AMY2B: variants seen among roughly 807,000 people sequenced by gnomAD.
The protein encoded by AMY2B is alpha-amylase 2B.
AMY2B carries 63 observed loss-of-function variants against 59.3 expected under a neutral mutation model. The ratio of observed to expected loss-of-function variants is 1.06; its 90% CI spans 0.87 to 1.31. The LOEUF is 1.31. Among genes scored for constraint, AMY2B ranks in the 50% most tolerant of loss-of-function variants. AMY2B has a pLI of 0.00. For missense variants in AMY2B, 635 were observed against 626.7 expected (o/e 1.01, Z -0.14); for synonymous variants, 180 against 198.1 (o/e 0.91, Z 0.77).
chr1:103,562,647 C>T (rs897525927), intron 1 of AMY2B, among the ~76,000 whole-genome samples: 1 of 147,668 alleles, frequency 6.8e-6, no homozygotes, highest in Non-Finnish European at 1.5e-5. Context: ...CTAAGAACTA[C>T]GAATGACATT....
At chr1:103,569,860 G>A, upstream of AMY2B, 2 of 457,292 alleles carry the variant, frequency 4.4e-6, no homozygotes, top group South Asian at 1.8e-5. Context: ...AGCACCTGGT[G>A]CTGCTGACCG....
At chr1:103,574,926 C>T (rs1360352022) in intron 5 of AMY2B, among the ~76,000 whole-genome samples, 1 of 151,180 alleles carries the variant, frequency 6.6e-6, no homozygotes, top group Non-Finnish European at 1.5e-5. Flanking sequence ...TAACAAAAAT[C>T]TTATATTTGT....
upstream of AMY2B, chr1:103,570,410 G>A: frequency 1.1e-6 from 1 of 873,434 alleles, no homozygotes; most frequent in Non-Finnish European, 1.9e-6. Flanking sequence ...AGTGTGACGT[G>A]GACATCCGCA....
chr1:103,569,565 A>G, upstream of AMY2B: 1 of 342,850 alleles, frequency 2.9e-6, no homozygotes, highest in South Asian at 2.5e-5. Flanking sequence ...GGAAGAAGAG[A>G]TTGCCGTACT....
At chr1:103,573,597 A>G in intron 3 of AMY2B, 111 bp from the exon 4 acceptor site, 2 of 1,496,400 alleles carry the variant, frequency 1.3e-6, no homozygotes, top group South Asian at 1.2e-5. Flanking sequence ...AATGCAAGGA[A>G]GTCACTATAG....
At chr1:103,571,190 C>T (rs181204320), upstream of AMY2B, 96 of 788,298 alleles carry the variant, frequency 1.2e-4, 2 homozygotes, top group Admixed American at 2.5e-4. Flanking sequence ...GGCTGTTACT[C>T]GCCTTGAGTT....
intron 1 of AMY2B, among the ~76,000 whole-genome samples, chr1:103,563,680 A>T (rs1353144145): frequency 6.6e-6 from 1 of 152,070 alleles, no homozygotes; most frequent in Non-Finnish European, 1.5e-5. Context: ...TCCCTAAATT[A>T]TATCTGCAAA....
chr1:103,571,867 A>C, intron 1 of AMY2B, 97 bp downstream of exon 1: 1 of 1,608,994 alleles, frequency 6.2e-7, no homozygotes, highest in Non-Finnish European at 8.5e-7. Flanking sequence ...ATTTTACTTC[A>C]CAGGTAAGTA....
chr1:103,570,458 C>A, upstream of AMY2B: 1 of 739,600 alleles, frequency 1.4e-6, no homozygotes, highest in Non-Finnish European at 2.4e-6. Context: ...CTGGTGGCAA[C>A]ATGTACCCAG....
upstream of AMY2B, among the ~76,000 whole-genome samples, chr1:103,567,737 T>C (rs577979346): frequency 6.6e-6 from 1 of 152,334 alleles, no homozygotes; most frequent in East Asian, 1.9e-4. Context: ...TCTTTCTTCA[T>C]GTTCTACAAG....
At chr1:103,563,292 G>T (rs1233500240) in intron 1 of AMY2B, among the ~76,000 whole-genome samples, 1 of 152,070 alleles carries the variant, frequency 6.6e-6, no homozygotes, top group Non-Finnish European at 1.5e-5. Context: ...GTAAAGGGAA[G>T]TTTTCTCTTT....
intron 1 of AMY2B, among the ~76,000 whole-genome samples, chr1:103,560,636 A>G (rs771297893): frequency 6.6e-6 from 1 of 152,162 alleles, no homozygotes; most frequent in Non-Finnish European, 1.5e-5. Context: ...GCCTATGTCC[A>G]TTGCCAAAGA....
At chr1:103,568,034 T>G (rs1182490248), upstream of AMY2B, among the ~76,000 whole-genome samples, 2 of 152,226 alleles carry the variant, frequency 1.3e-5, no homozygotes, top group Non-Finnish European at 2.9e-5. Flanking sequence ...ACTTTCTATT[T>G]TATGATTTTA....
At position 103,573,943 on chromosome 1, in the gene AMY2B, A is replaced by T. The variant is rs79005152; in HGVS notation, c.744+5A>T. The T allele has an allele frequency of 0.17, 269,492 of 1,612,964 alleles. 23,696 individuals carry two copies. Among genetic ancestry groups the T allele is most frequent in the Admixed American group, 0.23 (14,076 of 59,940 alleles). On this transcript the variant is annotated splice_donor_5th_base_variant and intron_variant, in intron 4 of 9. Transcript: ENST00000684275. ...AAACCTTTCATTTACCAGGAGGTACATCAATACATATATGCATATAAAATA... is the reference window on the plus strand; with the variant it reads ...AAACCTTTCATTTACCAGGAGGTACTTCAATACATATATGCATATAAAATA...
chr1:103,571,525 A>C (rs1206661371), upstream of AMY2B: 1 of 1,583,550 alleles, frequency 6.3e-7, no homozygotes, highest in Non-Finnish European at 8.6e-7. Context: ...TATTCATGCT[A>C]ATATTTACTT....
In AMY2B at chr1:103,577,537, A is replaced by G; in HGVS notation, c.1149A>G (p.Lys383=). ...VGPPNNNGVI[K]EVTINPDTTC... The stretch of plus-strand genomic sequence containing the variant: ...CACCAAATAATAATGGAGTAATTAA[A>G]GAAGTTACTATTAATCCAGACACTA... The change falls in exon 8 of 10, where the codon AAA becomes AAG. Residue 383 remains lysine (K), a synonymous_variant. Coordinates refer to ENST00000684275, the MANE Select transcript of AMY2B (RefSeq NM_001387437.1). 6.2e-7 allele frequency: 1 copy of G among 1,611,966 alleles called. No individual in the cohort carries two copies. Among genetic ancestry groups the G allele is most frequent in the Non-Finnish European group, 8.5e-7 (1 of 1,179,814 alleles).
At chr1:103,570,057 C>T (rs530395323), upstream of AMY2B, 87 of 436,780 alleles carry the variant, frequency 2.0e-4, no homozygotes, top group Middle Eastern at 1.0e-3. Flanking sequence ...ATAAGGGCTA[C>T]GCCCTCCCTG....
chr1:103,554,712 G>T, exon 1 of AMY2B: 1 of 152,508 alleles, frequency 6.6e-6, no homozygotes, highest in East Asian at 1.9e-4. Flanking sequence ...AAAATAAAGG[G>T]TTGGAGCCTC....
chr1:103,577,293 T>C lies in AMY2B; in HGVS notation c.1102-197T>C, dbSNP rs980534228. ...CAATTTGTTACCTTTGTTTGAAATA[T>C]GGCAAAAGAGAACCAGAGGATAGAG... On this transcript the variant is annotated intron_variant, in intron 7 of 9. Transcript: ENST00000684275. 2.0e-5 allele frequency: 22 copies of C among 1,078,302 alleles called. No homozygotes were observed. In the Admixed American group the frequency reaches 4.8e-4, roughly 24 times the overall value. The allele number at this position is 1,078,302 out of a possible 1,614,324, so 66.8% of individuals were successfully genotyped here. A position where few individuals can be genotyped will look rare whatever the true frequency, so the allele number is the denominator to read the frequency against.
Sources: gnomAD v4.1 joint callset for allele counts (sites outside exome capture counted in the v4.1 genomes callset) on GRCh38, gnomAD v4.1.1 for gene constraint, MANE v1.5 for transcripts, NCBI Gene and HGNC (gene_info 2026-07-23, HGNC 2026-07-21) for gene names.